Variants in NEU3 observed in about 807,000 individuals in gnomAD.
NEU3 encodes the protein neuraminidase 3.
NEU3 carries 10 observed loss-of-function variants against 11.4 expected under a neutral mutation model. The ratio of observed to expected loss-of-function variants is 0.88; its 90% CI spans 0.54 to 1.49. The LOEUF (loss-of-function observed/expected upper bound fraction) is 1.49. NEU3 is among the 40% of genes most tolerant of loss of function. The pLI is 0.00. For synonymous variants in NEU3, 212 were observed against 228.2 expected, an observed-to-expected ratio of 0.93 and a Z score of 0.64; for missense variants, 529 against 581.8, an observed-to-expected ratio of 0.91 and a Z score of 0.93.
In NEU3 at chr11:74,994,587, G is replaced by C. The variant is rs377168820; in HGVS notation, c.173G>C (p.Arg58Pro). ...GAAGATGACAGAGGGATTACCTACC[G>C]GATCCCAGCCCTGCTCTACATACCC... ...RQEDDRGITY[R>P]IPALLYIPPT... is the part of the protein sequence containing the mutation. The change falls in exon 2 of 3, where the codon CGG becomes CCG. Residue 58 changes from arginine (R) to proline (P), a missense_variant. Coordinates refer to ENST00000294064, the MANE Select transcript of NEU3 (RefSeq NM_006656.6). 6.2e-7 allele frequency: 1 copy of C among 1,613,888 alleles called. No homozygotes were observed. The highest frequency in any genetic ancestry group is 1.3e-5 in the African/African-American group (1 of 74,996).
upstream of NEU3, chr11:74,988,926 T>A (rs1229159367): frequency 4.2e-6 from 3 of 715,054 alleles, no homozygotes; most frequent in Non-Finnish European, 7.1e-6. Flanking sequence ...CGTTACCTGT[T>A]TCCGGCAGTC....
intron 2 of NEU3, among the ~76,000 whole-genome samples, chr11:75,000,878 G>T (rs976421518): frequency 1.3e-5 from 2 of 151,696 alleles, no homozygotes; most frequent in Non-Finnish European, 2.9e-5. Context: ...TGGATACTTT[G>T]GTTGCTTTTG....
intron 1 of NEU3, among the ~76,000 whole-genome samples, chr11:74,989,697 C>T (rs1035722668): frequency 6.6e-6 from 1 of 152,128 alleles, no homozygotes; most frequent in Non-Finnish European, 1.5e-5. Flanking sequence ...TGTGGAATTA[C>T]ATTATTATAG....
At chr11:74,989,263 A>T (rs1948705169) in intron 1 of NEU3, 109 bp downstream of exon 1, 1 of 854,824 alleles carries the variant, frequency 1.2e-6, no homozygotes, top group South Asian at 1.5e-5. Flanking sequence ...TTATTGAGAC[A>T]GAGCCACCTA....
At chr11:74,985,535 C>T (rs1433184206), upstream of NEU3, among the ~76,000 whole-genome samples, 1 of 151,494 alleles carries the variant, frequency 6.6e-6, no homozygotes, top group Non-Finnish European at 1.5e-5. Flanking sequence ...TGTTTTTAAA[C>T]TTTATATGTG....
rs3837410 is a variant in NEU3, at chr11:75,007,042, C to CAG, written c.*551_*552dup. The CAG allele has an allele frequency of 0.76, 116,561 of 152,560 alleles. 44,927 individuals carry two copies. The highest frequency in any genetic ancestry group is 0.82 in the Non-Finnish European group (55,938 of 68,486). The allele number at this position is 152,560 out of a possible 1,614,324, so 9.5% of individuals were successfully genotyped here. Reference sequence around the variant, plus strand: ...ATATCCACACCCTTTTAATAATGCTCAGTTCTGTAGGCTCTCTATCCTAGA... The same window carrying CAG: ...ATATCCACACCCTTTTAATAATGCTCAGAGTTCTGTAGGCTCTCTATCCTAGA... On this transcript the variant is annotated 3_prime_UTR_variant, in exon 3 of 3. Coordinates refer to ENST00000294064, the MANE Select transcript of NEU3 (RefSeq NM_006656.6).
downstream of NEU3, among the ~76,000 whole-genome samples, chr11:75,019,737 C>A (rs1028432738): frequency 7.9e-5 from 12 of 152,154 alleles, no homozygotes; most frequent in Non-Finnish European, 1.6e-4. Flanking sequence ...AAGTTTGCTG[C>A]AGGGGCAGGG....
At chr11:75,018,253 CT>C (rs924296885) in intron 3 of NEU3, among the ~76,000 whole-genome samples, 2 of 152,096 alleles carry the variant, frequency 1.3e-5, no homozygotes, top group Admixed American at 6.5e-5. Context: ...TGTTCTCCCC[CT>C]CCCTGCCTTC....
downstream of NEU3, among the ~76,000 whole-genome samples, chr11:75,012,638 C>T (rs541062944): frequency 6.6e-6 from 1 of 152,192 alleles, no homozygotes; most frequent in African/African-American, 2.4e-5. Context: ...ACAGCTTTAG[C>T]GACTTTGCAC....
At chr11:74,993,565 C>T (rs1026548799) in intron 1 of NEU3, among the ~76,000 whole-genome samples, 1 of 152,170 alleles carries the variant, frequency 6.6e-6, no homozygotes, top group Non-Finnish European at 1.5e-5. Flanking sequence ...AGCTAGGTCC[C>T]TTGAAAATCT....
the NEU3 span, among the ~76,000 whole-genome samples, chr11:74,980,980 AC>A: frequency 6.6e-6 from 1 of 152,248 alleles, no homozygotes; most frequent in African/African-American, 2.4e-5. Context: ...GTGGGCAGAA[AC>A]CAGGTGAATT....
chr11:74,991,559 A>G (rs144159387), intron 1 of NEU3, among the ~76,000 whole-genome samples: 14 of 152,318 alleles, frequency 9.2e-5, no homozygotes, highest in African/African-American at 2.6e-4. Context: ...TTCCTCTGTC[A>G]AAAATTCTTG....
downstream of NEU3, among the ~76,000 whole-genome samples, chr11:75,012,585 T>C (rs572875697): frequency 1.3e-4 from 20 of 152,332 alleles, no homozygotes; most frequent in Middle Eastern, 3.4e-3. Flanking sequence ...ATTTGTCGCA[T>C]TGGATTGCCA....
chr11:75,016,412 C>G (rs1386143899), intron 3 of NEU3, among the ~76,000 whole-genome samples: 5 of 152,136 alleles, frequency 3.3e-5, no homozygotes, highest in African/African-American at 1.2e-4. Flanking sequence ...GCCCTTCTTG[C>G]TACTCTATGT....
downstream of NEU3, chr11:75,018,958 T>C (rs1948991730): frequency 1.3e-5 from 2 of 154,056 alleles, no homozygotes; most frequent in Admixed American, 1.3e-4. Flanking sequence ...TGTTGGTAAA[T>C]AGAGCAAAGG....
chr11:74,988,383 C>T (rs1328552989), upstream of NEU3: 1 of 152,308 alleles, frequency 6.6e-6, no homozygotes, highest in African/African-American at 2.4e-5. Context: ...GACCTTAGAT[C>T]AGTCCTTTCC....
chr11:75,014,898 T>G (rs959084373), downstream of NEU3, among the ~76,000 whole-genome samples: 1 of 152,014 alleles, frequency 6.6e-6, no homozygotes, highest in East Asian at 1.9e-4. Flanking sequence ...AAAAATACCT[T>G]TTATCTCTGA....
intron 2 of NEU3, among the ~76,000 whole-genome samples, chr11:75,000,329 A>C (rs1164976860): frequency 6.6e-6 from 1 of 152,192 alleles, no homozygotes; most frequent in Non-Finnish European, 1.5e-5. Context: ...TTGTGCACCC[A>C]ATCTTCAGAA....
At position 75,007,985 on chromosome 11, in the gene NEU3, A is replaced by G. The variant is rs1948916074; in HGVS notation, c.*1493A>G. 3 of 152,178 alleles carry G rather than the reference A, an allele frequency of 2.0e-5. No homozygotes were observed. Among genetic ancestry groups the G allele is most frequent in the African/African-American group, 7.2e-5 (3 of 41,438 alleles). 9.4% of individuals were successfully genotyped at this position (152,178 alleles called of 1,614,324 possible). ...TTGGGTAGAGAGAGTCCTACAGGAT[A>G]AAAGTGGAGATTAACTTTACCTACT... On this transcript the variant is annotated 3_prime_UTR_variant, in exon 3 of 3. Coordinates refer to ENST00000294064, the MANE Select transcript of NEU3 (RefSeq NM_006656.6).
Sources: gnomAD v4.1 joint callset for allele counts (sites outside exome capture counted in the v4.1 genomes callset) on GRCh38, gnomAD v4.1.1 for gene constraint, MANE v1.5 for transcripts, NCBI Gene and HGNC (gene_info 2026-07-23, HGNC 2026-07-21) for gene names.